The following ZFPM2 variants were observed in gnomAD, a reference collection of about 807,000 sequenced individuals.
The protein encoded by ZFPM2 is zinc finger protein, FOG family member 2, also known as zinc finger protein ZFPM2.
Under a neutral mutation model 98.6 loss-of-function variants are expected in ZFPM2, and 20 were observed. The ratio of observed to expected loss-of-function variants is 0.20; its 90% CI spans 0.14 to 0.29. The LOEUF (loss-of-function observed/expected upper bound fraction) is 0.29, where lower values mean the gene tolerates loss of function less well. Among genes scored for constraint, ZFPM2 ranks in the 10% least tolerant of loss-of-function variants. The pLI is 1.00. For missense variants in ZFPM2, 1,310 were observed against 1,388.6 expected (o/e 0.94, Z 0.90); for synonymous variants, 518 against 502.7 (o/e 1.03, Z -0.41).
At chr8:105,450,380 A>G (rs528223725) in intron 3 of ZFPM2, among the ~76,000 whole-genome samples, 2 of 152,236 alleles carry the variant, frequency 1.3e-5, no homozygotes, top group East Asian at 3.9e-4. Flanking sequence ...TGTGGTAGAT[A>G]TAAGATCTTG....
chr8:105,732,344 C>T (rs140478592), intron 5 of ZFPM2, among the ~76,000 whole-genome samples: 151 of 151,860 alleles, frequency 9.9e-4, no homozygotes, highest in African/African-American at 3.6e-3. Flanking sequence ...GAAATACATG[C>T]GAATGAATGT....
intron 5 of ZFPM2, among the ~76,000 whole-genome samples, chr8:105,712,874 A>G (rs1811436499): frequency 6.6e-6 from 1 of 152,088 alleles, no homozygotes. Flanking sequence ...ATGTTGCTGC[A>G]AAGGACATGA....
At chr8:105,374,685 A>G (rs919239609) in intron 1 of ZFPM2, among the ~76,000 whole-genome samples, 1 of 152,110 alleles carries the variant, frequency 6.6e-6, no homozygotes, top group African/African-American at 2.4e-5. Flanking sequence ...GTAGTGTCAC[A>G]GGTGAGGAGA....
Position 105,417,508 on chromosome 8 carries a change from AT to A in ZFPM2, c.41-1635del, listed in dbSNP as rs570892126. On this transcript the variant is annotated intron_variant, in intron 1 of 7. Coordinates refer to ENST00000407775, the MANE Select transcript of ZFPM2 (RefSeq NM_012082.4). The stretch of plus-strand genomic sequence containing the variant: ...TTATAATTACATTTGTTGAAAAAAA[AT>A]AAGGGAAATATTCTATTATAGTTCT... 5.8e-4 allele frequency among the ~76,000 whole-genome samples: 89 copies of A among 152,238 alleles called. 1 individual carries two copies. In the South Asian group the frequency reaches 0.017, roughly 29 times the overall value.
intron 1 of ZFPM2, among the ~76,000 whole-genome samples, chr8:105,337,512 G>A (rs1452408905): frequency 2.6e-5 from 4 of 151,506 alleles, no homozygotes; most frequent in African/African-American, 7.3e-5. Context: ...TCCCACCCTT[G>A]CCAATATTAC....
chr8:105,601,878 A>G (rs1402035976), intron 4 of ZFPM2, among the ~76,000 whole-genome samples: 1 of 152,126 alleles, frequency 6.6e-6, no homozygotes, highest in Non-Finnish European at 1.5e-5. Context: ...TTTATTTATT[A>G]GAATTGCAGA....
Position 105,803,471 on chromosome 8 carries a change from AC to A in ZFPM2, c.3391del (p.Leu1131PhefsTer5), listed in dbSNP as rs1323504219. Reference sequence around the variant, plus strand: ...CGGCTATGTGATATCCAGTTCAACAACCTTTCAAACTTTATAACTCACAAGA... The same window carrying A: ...CGGCTATGTGATATCCAGTTCAACAACTTTCAAACTTTATAACTCACAAGA... The part of the protein sequence containing the change: ...YCRLCDIQFN[N>X]LSNFITHKKF... On this transcript the variant is annotated frameshift_variant, in exon 8 of 8. Coordinates refer to ENST00000407775, the MANE Select transcript of ZFPM2 (RefSeq NM_012082.4). LOFTEE classifies it high-confidence loss of function. 6.2e-7 allele frequency: 1 copy of A among 1,613,494 alleles called. No individual in the cohort carries two copies. The highest frequency in any genetic ancestry group is 1.1e-5 in the South Asian group (1 of 91,004).
chr8:105,568,340 C>A (rs1469859876), intron 4 of ZFPM2, among the ~76,000 whole-genome samples: 1 of 151,466 alleles, frequency 6.6e-6, no homozygotes, highest in Non-Finnish European at 1.5e-5. Flanking sequence ...TAGTCCTCTG[C>A]CTCTCCTTTC....
intron 5 of ZFPM2, among the ~76,000 whole-genome samples, chr8:105,786,105 A>G (rs116973936): frequency 0.016 from 2,382 of 151,496 alleles, 30 homozygotes; most frequent in Non-Finnish European, 0.027. Flanking sequence ...TGTAGTCCCA[A>G]CTACTCACTG....
intron 3 of ZFPM2, among the ~76,000 whole-genome samples, chr8:105,466,136 T>C (rs552468025): frequency 6.6e-6 from 1 of 152,140 alleles, no homozygotes; most frequent in Admixed American, 6.6e-5. Flanking sequence ...GACATTGCAT[T>C]TAATTTTTAA....
In ZFPM2 at chr8:105,517,510, C is replaced by A. The variant is rs75589146; in HGVS notation, c.302-43853C>A. Among the ~76,000 whole-genome samples the A allele has an allele frequency of 1.1e-3, 174 of 152,110 alleles. 1 individual carries two copies. The highest frequency in any genetic ancestry group is 4.0e-3 in the African/African-American group (166 of 41,482). On this transcript the variant is annotated intron_variant, in intron 3 of 7. Coordinates refer to ENST00000407775, the MANE Select transcript of ZFPM2 (RefSeq NM_012082.4). ...ACATCAAGCTAATTAATATATCTAT[C>A]ACCTCACATATTTATCTTTTTGTGT...
chr8:105,614,310 T>C (rs1237938314), intron 4 of ZFPM2, among the ~76,000 whole-genome samples: 1 of 152,160 alleles, frequency 6.6e-6, no homozygotes, highest in Non-Finnish European at 1.5e-5. Flanking sequence ...CTTTGACTCA[T>C]TTATGTGGAG....
At chr8:105,379,718 G>T (rs182955865) in intron 1 of ZFPM2, among the ~76,000 whole-genome samples, 2 of 148,192 alleles carry the variant, frequency 1.3e-5, no homozygotes, top group African/African-American at 5.0e-5. Context: ...ACGCCATTGC[G>T]CTCCAGCCTG....
At chr8:105,463,285 A>ATG (rs10609094) in intron 3 of ZFPM2, among the ~76,000 whole-genome samples, 2 of 151,088 alleles carry the variant, frequency 1.3e-5, no homozygotes, top group Admixed American at 6.6e-5. Context: ...AAAACTATAT[A>ATG]TGTGTGTGTG....
chr8:105,352,820 T>TCTGTATGC (rs1217370843), intron 1 of ZFPM2, among the ~76,000 whole-genome samples: 13 of 152,106 alleles, frequency 8.5e-5, no homozygotes, highest in African/African-American at 2.7e-4. Context: ...TTAAACCTTA[T>TCTGTATGC]CTGTATGCCT....
chr8:105,761,773 A>G (rs904267134), intron 5 of ZFPM2, among the ~76,000 whole-genome samples: 1 of 152,018 alleles, frequency 6.6e-6, no homozygotes, highest in Non-Finnish European at 1.5e-5. Flanking sequence ...GCTGCTTTAC[A>G]TATTTTAACA....
chr8:105,803,050 A>G lies in ZFPM2; in HGVS notation c.2968A>G (p.Ser990Gly). Residue 990 changes from serine to glycine, a missense_variant, in exon 8 of 8, where the codon AGT (serine) becomes GGT (glycine). Transcript: ENST00000407775. ...TTCTCCATATTATGGAATCAAGCCAAGTGATTATATTTCTGGTTCTCTTGT... is the reference window on the plus strand; with the variant it reads ...TTCTCCATATTATGGAATCAAGCCAGGTGATTATATTTCTGGTTCTCTTGT... ...QLSPYYGIKP[S>G]DYISGSLVIH... 6.2e-7 allele frequency: 1 copy of G among 1,613,720 alleles called. No individual in the cohort carries two copies. The highest frequency in any genetic ancestry group is 8.5e-7 in the Non-Finnish European group (1 of 1,179,782).
In ZFPM2 at chr8:105,683,280, G is replaced by C. The variant is rs145213603; in HGVS notation, c.532+48923G>C. On this transcript the variant is annotated intron_variant, in intron 5 of 7. Transcript: ENST00000407775. ...TCTCTACCTCTGCCTGACCCCATTGGTATGTGACCACAGAGGAGCAGTGGT... is the reference window on the plus strand; with the variant it reads ...TCTCTACCTCTGCCTGACCCCATTGCTATGTGACCACAGAGGAGCAGTGGT... Among the ~76,000 whole-genome samples, 1,046 of 152,170 alleles carry C rather than the reference G, an allele frequency of 6.9e-3. 4 individuals are homozygous for C. The highest frequency in any genetic ancestry group is 0.01 in the Non-Finnish European group (695 of 67,980).
intron 4 of ZFPM2, among the ~76,000 whole-genome samples, chr8:105,564,147 A>G (rs958974801): frequency 4.6e-5 from 7 of 151,908 alleles, no homozygotes; most frequent in Non-Finnish European, 8.8e-5. Flanking sequence ...CTGTAAAGCT[A>G]TTTTATGCCA....
Sources: allele counts gnomAD v4.1 joint callset (sites outside exome capture counted in the v4.1 genomes callset), GRCh38; gene constraint gnomAD v4.1.1; transcripts MANE v1.5; gene names NCBI Gene and HGNC (gene_info 2026-07-23, HGNC 2026-07-21).